Variants in MKLN1 observed in about 807,000 individuals in gnomAD.
MKLN1 encodes the protein muskelin.
Under a neutral mutation model 99.0 loss-of-function variants are expected in MKLN1, and 18 were observed. The ratio of observed to expected loss-of-function variants is 0.18; its 90% CI spans 0.13 to 0.27. The LOEUF is 0.27. MKLN1 is among the 10% of genes least tolerant of loss of function. The pLI is 1.00. For missense variants in MKLN1, 621 were observed against 875.9 expected (o/e 0.71, Z 3.67); for synonymous variants, 288 against 293.2 (o/e 0.98, Z 0.18).
intron 2 of MKLN1, among the ~76,000 whole-genome samples, chr7:131,157,442 T>G (rs1343745484): frequency 6.6e-6 from 1 of 152,142 alleles, no homozygotes; most frequent in East Asian, 1.9e-4. Context: ...AGAGACAGTC[T>G]GCCTTCACCT....
At position 131,375,481 on chromosome 7, in the gene MKLN1, C is replaced by T. The variant is rs1401449421; in HGVS notation, c.156C>T (p.Asn52=). 2 of 1,605,802 alleles carry T rather than the reference C, an allele frequency of 1.2e-6. No individual in the cohort carries two copies. Among genetic ancestry groups the T allele is most frequent in the Admixed American group, 1.7e-5 (1 of 60,002 alleles). The part of the protein sequence containing the change: ...DQSSRWSSES[N]YPPQYLILKL... ...CTTCAAGATGGTCTTCAGAGAGCAA[C>T]TATCCTCCCCAGGTAAGATTACATG... The change falls in exon 2 of 18, where the codon AAC becomes AAT. Residue 52 remains asparagine (N), a synonymous_variant. Transcript: ENST00000352689.
chr7:131,478,537 G>A, intron 16 of MKLN1, 86 bp from the exon 17 acceptor site: 1 of 1,350,918 alleles, frequency 7.4e-7, no homozygotes, highest in Non-Finnish European at 9.7e-7. Context: ...CTGATAAATG[G>A]TCAAAGTTAT....
intron 1 of MKLN1, chr7:131,328,264 G>C (rs1334728292): frequency 2.2e-6 from 1 of 460,406 alleles, no homozygotes; most frequent in Non-Finnish European, 3.9e-6. Context: ...AAGCCCAGCG[G>C]TTCTGCGCTT....
rs529300561 is a variant in MKLN1 at position 131,252,913 on chromosome 7, T to C, written c.-179+49939T>C. Among the ~76,000 whole-genome samples, 5 of 152,278 alleles carry C rather than the reference T, an allele frequency of 3.3e-5. No individual in the cohort carries two copies. In the South Asian group the frequency reaches 8.3e-4, roughly 25 times the overall value. ...TTCACCTTTAATTTAGTGTTCATAT[T>C]ATGCTGATTTTTCAACCAACCTTGG... is the stretch of plus-strand genomic sequence containing the variant. On this transcript the variant is annotated intron_variant, in intron 3 of 7. Transcript: ENST00000416992.
intron 1 of MKLN1, among the ~76,000 whole-genome samples, chr7:131,367,848 G>T (rs1800226743): frequency 6.6e-6 from 1 of 152,130 alleles, no homozygotes; most frequent in South Asian, 2.1e-4. Flanking sequence ...AAAGCATATT[G>T]CCTATGATTG....
intron 2 of MKLN1, among the ~76,000 whole-genome samples, chr7:131,385,860 A>C (rs907405025): frequency 6.6e-6 from 1 of 152,084 alleles, no homozygotes; most frequent in East Asian, 1.9e-4. Flanking sequence ...TGATACTAAA[A>C]TTTTAGTTTT....
chr7:131,341,252 A>AT (rs978894971), intron 1 of MKLN1, among the ~76,000 whole-genome samples: 7 of 151,860 alleles, frequency 4.6e-5, no homozygotes, highest in South Asian at 2.1e-4. Context: ...AGATTCATGG[A>AT]TTTTTTGTAC....
intron 1 of MKLN1, among the ~76,000 whole-genome samples, chr7:131,333,388 G>A (rs1186533631): frequency 3.3e-5 from 5 of 152,180 alleles, no homozygotes; most frequent in South Asian, 4.1e-4. Context: ...ATTTATTATG[G>A]ATACATTATA....
At chr7:131,371,893 A>G (rs1450271592) in intron 1 of MKLN1, among the ~76,000 whole-genome samples, 1 of 151,884 alleles carries the variant, frequency 6.6e-6, no homozygotes, top group Admixed American at 6.6e-5. Flanking sequence ...CTGACAAATT[A>G]TGTTACCATC....
intron 14 of MKLN1, 117 bp downstream of exon 14, chr7:131,464,525 A>T (rs1008069980): frequency 1.7e-6 from 1 of 576,608 alleles, no homozygotes; most frequent in Non-Finnish European, 3.1e-6. Flanking sequence ...TACATAGTAG[A>T]CATTCAATAG....
At chr7:131,203,841 G>A (rs889335567) in intron 3 of MKLN1, among the ~76,000 whole-genome samples, 5 of 152,058 alleles carry the variant, frequency 3.3e-5, no homozygotes, top group Non-Finnish European at 5.9e-5. Flanking sequence ...GCAGTCTTTT[G>A]CTTTGAACAT....
intron 3 of MKLN1, among the ~76,000 whole-genome samples, chr7:131,269,564 A>G (rs1797855317): frequency 1.3e-5 from 2 of 152,230 alleles, no homozygotes; most frequent in African/African-American, 4.8e-5. Flanking sequence ...ATAAACATTT[A>G]GCTCATTGCA....
chr7:131,267,713 G>GT (rs1381327644), intron 3 of MKLN1, among the ~76,000 whole-genome samples: 1 of 152,122 alleles, frequency 6.6e-6, no homozygotes, highest in Non-Finnish European at 1.5e-5. Context: ...GTAACAAGTT[G>GT]TTTTTTAAAT....
chr7:131,405,235 T>A (rs1013852075), intron 6 of MKLN1, among the ~76,000 whole-genome samples: 4 of 151,948 alleles, frequency 2.6e-5, no homozygotes, highest in Non-Finnish European at 5.9e-5. Context: ...ATATATATAT[T>A]TTTCCATCAG....
intron 3 of MKLN1, among the ~76,000 whole-genome samples, chr7:131,224,041 G>A (rs1208351457): frequency 6.6e-6 from 1 of 152,044 alleles, no homozygotes; most frequent in Non-Finnish European, 1.5e-5. Flanking sequence ...TGGGATTACA[G>A]GTGTGAGCCG....
chr7:131,138,387 A>T (rs1795683363), intron 1 of MKLN1, among the ~76,000 whole-genome samples: 4 of 152,248 alleles, frequency 2.6e-5, no homozygotes, highest in Admixed American at 2.6e-4. Context: ...TTTTAAAAAT[A>T]AACCAGCCGT....
At chr7:131,283,346 C>CCCT (rs1563278415) in intron 3 of MKLN1, among the ~76,000 whole-genome samples, 37 of 51,434 alleles carry the variant, frequency 7.2e-4, no homozygotes, top group African/African-American at 1.1e-3. Context: ...TTCCCTTCCC[C>CCCT]TCCTTCCTTC....
chr7:131,269,711 A>G (rs1284373656), intron 3 of MKLN1, among the ~76,000 whole-genome samples: 3 of 152,174 alleles, frequency 2.0e-5, no homozygotes, highest in African/African-American at 7.2e-5. Flanking sequence ...AGGCTATTTC[A>G]TAGTTCAGCT....
chr7:131,395,290 A>G (rs1794323804), intron 4 of MKLN1, among the ~76,000 whole-genome samples: 3 of 152,158 alleles, frequency 2.0e-5, no homozygotes, highest in East Asian at 3.9e-4. Context: ...CACAACTTAA[A>G]TAATTGTACA....
Sources: allele counts gnomAD v4.1 joint callset (sites outside exome capture counted in the v4.1 genomes callset), GRCh38; gene constraint gnomAD v4.1.1; transcripts MANE v1.5; gene names NCBI Gene and HGNC (gene_info 2026-07-23, HGNC 2026-07-21).